PTPRD: variants seen among roughly 807,000 people sequenced by gnomAD.
The protein encoded by PTPRD is protein tyrosine phosphatase receptor type D.
A neutral mutation model predicts 214.5 loss-of-function variants in PTPRD; 34 were observed. The ratio of observed to expected loss-of-function variants is 0.16; its 90% CI spans 0.12 to 0.21. The LOEUF is 0.21. Among genes scored for constraint, PTPRD ranks in the 10% least tolerant of loss-of-function variants. The pLI, the probability that PTPRD is intolerant of heterozygous loss-of-function variation, is 1.00. For synonymous variants in PTPRD, 1,128 were observed against 845.7 expected, an observed-to-expected ratio of 1.33 and a Z score of -5.79; for missense variants, 2,545 against 2,398.7, an observed-to-expected ratio of 1.06 and a Z score of -1.27.
chr9:10,172,583 T>C (rs1019996920), intron 3 of PTPRD, among the ~76,000 whole-genome samples: 1 of 152,306 alleles, frequency 6.6e-6, no homozygotes, highest in East Asian at 1.9e-4. Context: ...CTCCTTCACA[T>C]TTGATGCGGC....
chr9:9,482,280 A>G, intron 8 of PTPRD, among the ~76,000 whole-genome samples: 1 of 152,332 alleles, frequency 6.6e-6, no homozygotes, highest in South Asian at 2.1e-4. Flanking sequence ...AGTTCAGTGA[A>G]ATGACTTAAA....
intron 14 of PTPRD, among the ~76,000 whole-genome samples, chr9:8,589,346 C>T (rs2093922707): frequency 6.6e-6 from 1 of 152,138 alleles, no homozygotes; most frequent in Non-Finnish European, 1.5e-5. Context: ...TAGCAAAATA[C>T]TCTAGATATG....
chr9:8,657,965 C>A (rs7851001), intron 12 of PTPRD, among the ~76,000 whole-genome samples: 99,348 of 151,946 alleles, frequency 0.65, 32,787 homozygotes, highest in East Asian at 0.87. Flanking sequence ...TTCTGGATTT[C>A]ACAAATTTAT....
intron 12 of PTPRD, among the ~76,000 whole-genome samples, chr9:8,718,134 G>C (rs746186243): frequency 5.9e-5 from 9 of 152,184 alleles, no homozygotes; most frequent in Non-Finnish European, 1.0e-4. Flanking sequence ...TGTAAAGCTG[G>C]AAAATCAGAA....
intron 11 of PTPRD, among the ~76,000 whole-genome samples, chr9:8,984,631 A>G (rs73427776): frequency 0.017 from 2,627 of 152,194 alleles, 72 homozygotes; most frequent in African/African-American, 0.059. Context: ...CTAATTCCAG[A>G]AATAGATTCA....
chr9:10,174,646 T>G (rs930125501), intron 3 of PTPRD, among the ~76,000 whole-genome samples: 1 of 152,002 alleles, frequency 6.6e-6, no homozygotes, highest in Non-Finnish European at 1.5e-5. Flanking sequence ...CATTTTGAAG[T>G]AGTCTGTGTA....
chr9:8,486,703 A>G (rs2097022907), intron 27 of PTPRD, among the ~76,000 whole-genome samples: 1 of 152,246 alleles, frequency 6.6e-6, no homozygotes, highest in Non-Finnish European at 1.5e-5. Context: ...GATATGGCTA[A>G]TAAGAATAAC....
intron 3 of PTPRD, among the ~76,000 whole-genome samples, chr9:10,095,898 T>A (rs1222405807): frequency 6.6e-6 from 1 of 151,588 alleles, no homozygotes; most frequent in Non-Finnish European, 1.5e-5. Flanking sequence ...TACTTTTTCC[T>A]ATTAAAAAGT....
At chr9:8,582,837 G>T (rs188775509) in intron 14 of PTPRD, among the ~76,000 whole-genome samples, 131 of 152,206 alleles carry the variant, frequency 8.6e-4, no homozygotes, top group South Asian at 2.3e-3. Flanking sequence ...TGGCAAAGTT[G>T]GTGGGCTTTG....
chr9:9,959,651 C>G lies in PTPRD; in HGVS notation c.-471-21041G>C, dbSNP rs143548512. 2.6e-5 allele frequency among the ~76,000 whole-genome samples: 4 copies of G among 152,192 alleles called. No homozygotes were observed. The East Asian group carries it at 5.8e-4, about 22-fold the overall frequency. On this transcript the variant is annotated intron_variant, in intron 4 of 45. Coordinates refer to ENST00000381196, the MANE Select transcript of PTPRD (RefSeq NM_002839.4). Reference sequence around the variant, plus strand: ...TTGAAAATAAGTCAAGTCTATAATGCTAGAGGCAAAAGGAGGTGCACAAAA... The same window carrying G: ...TTGAAAATAAGTCAAGTCTATAATGGTAGAGGCAAAAGGAGGTGCACAAAA...
chr9:9,332,250 G>A (rs918834910), intron 9 of PTPRD, among the ~76,000 whole-genome samples: 1 of 151,972 alleles, frequency 6.6e-6, no homozygotes, highest in African/African-American at 2.4e-5. Flanking sequence ...GAGAGAGAGA[G>A]AGTCAGAAAA....
intron 5 of PTPRD, among the ~76,000 whole-genome samples, chr9:9,806,857 G>A (rs1037298438): frequency 2.6e-5 from 4 of 152,086 alleles, no homozygotes; most frequent in Non-Finnish European, 4.4e-5. Flanking sequence ...GAGAAAAACA[G>A]CTCTTGTGAG....
chr9:8,650,830 T>C (rs574023445), intron 12 of PTPRD, among the ~76,000 whole-genome samples: 52 of 152,218 alleles, frequency 3.4e-4, no homozygotes, highest in Non-Finnish European at 6.9e-4. Flanking sequence ...AAATTTTAGG[T>C]ATGTGTCTAT....
At chr9:8,763,903 A>G (rs2094552981) in intron 11 of PTPRD, among the ~76,000 whole-genome samples, 4 of 152,220 alleles carry the variant, frequency 2.6e-5, no homozygotes, top group Admixed American at 1.3e-4. Context: ...CTTACTAAAT[A>G]TGGTAAATTC....
At chr9:10,310,753 C>G (rs1390686415) in intron 3 of PTPRD, among the ~76,000 whole-genome samples, 3 of 152,074 alleles carry the variant, frequency 2.0e-5, no homozygotes, top group Admixed American at 6.6e-5. Flanking sequence ...GACACACTTA[C>G]GTGTAACACT....
chr9:10,140,265 G>A (rs2098974429), intron 3 of PTPRD, among the ~76,000 whole-genome samples: 1 of 151,638 alleles, frequency 6.6e-6, no homozygotes, highest in Non-Finnish European at 1.5e-5. Flanking sequence ...ATGAAAAAGT[G>A]GAGAAAGGAC....
chr9:8,811,889 T>C (rs542148055), intron 11 of PTPRD, among the ~76,000 whole-genome samples: 4 of 152,278 alleles, frequency 2.6e-5, no homozygotes, highest in East Asian at 1.9e-4. Flanking sequence ...GCATTTCCCA[T>C]CTGAAAGACA....
At chr9:9,945,152 C>T (rs990553589) in intron 4 of PTPRD, among the ~76,000 whole-genome samples, 2 of 151,942 alleles carry the variant, frequency 1.3e-5, no homozygotes, top group African/African-American at 4.8e-5. Context: ...AGTTGATTAC[C>T]AAGATAGTGG....
chr9:9,569,402 GCAGTTTA>G (rs2085641289), intron 8 of PTPRD, among the ~76,000 whole-genome samples: 3 of 151,680 alleles, frequency 2.0e-5, no homozygotes, highest in African/African-American at 7.2e-5. Context: ...GATAACAGTG[GCAGTTTA>G]TTAATAATCT....
Sources: gnomAD v4.1 joint callset for allele counts (sites outside exome capture counted in the v4.1 genomes callset) on GRCh38, gnomAD v4.1.1 for gene constraint, MANE v1.5 for transcripts, NCBI Gene and HGNC (gene_info 2026-07-23, HGNC 2026-07-21) for gene names.